DENND1A: variants seen among roughly 807,000 people sequenced by gnomAD.
DENND1A encodes the protein DENN domain containing 1A.
Under a neutral mutation model 113.7 loss-of-function variants are expected in DENND1A, and 51 were observed. The observed-to-expected ratio is 0.45, with a 90% CI of 0.36 to 0.57. The LOEUF (loss-of-function observed/expected upper bound fraction) is 0.57, where lower values mean the gene tolerates loss of function less well. DENND1A is among the 20% of genes least tolerant of loss of function. The pLI is 0.00. For synonymous variants in DENND1A, 565 were observed against 570.8 expected (o/e 0.99, Z 0.14); for missense variants, 1,258 against 1,395.9 (o/e 0.90, Z 1.57).
At chr9:123,679,212 G>C (rs1402497783) in intron 5 of DENND1A, among the ~76,000 whole-genome samples, 2 of 152,184 alleles carry the variant, frequency 1.3e-5, no homozygotes, top group African/African-American at 2.4e-5. Context: ...GGCAGGCTGG[G>C]TGCTCTGACA....
intron 1 of DENND1A, among the ~76,000 whole-genome samples, chr9:123,915,677 A>G (rs959496813): frequency 1.3e-5 from 2 of 152,174 alleles, no homozygotes; most frequent in Non-Finnish European, 2.9e-5. Context: ...ATTAACAGAG[A>G]GAGATTTATC....
At chr9:123,779,746 C>T (rs1016279245) in intron 3 of DENND1A, among the ~76,000 whole-genome samples, 1 of 152,110 alleles carries the variant, frequency 6.6e-6, no homozygotes, top group Non-Finnish European at 1.5e-5. Flanking sequence ...GCGATTCACC[C>T]ACTTCTGCTC....
At chr9:123,921,498 C>A (rs1420646202) in intron 1 of DENND1A, among the ~76,000 whole-genome samples, 2 of 152,210 alleles carry the variant, frequency 1.3e-5, no homozygotes, top group African/African-American at 4.8e-5. Context: ...TCCATTTATT[C>A]ATACAGCCTA....
intron 2 of DENND1A, among the ~76,000 whole-genome samples, chr9:123,834,559 GA>G (rs1380539267): frequency 3.3e-5 from 5 of 152,270 alleles, no homozygotes; most frequent in African/African-American, 1.2e-4. Flanking sequence ...ATGAAATGCA[GA>G]GAACACGTAT....
chr9:123,657,407 G>A (rs1049243953), intron 8 of DENND1A, among the ~76,000 whole-genome samples: 2 of 151,780 alleles, frequency 1.3e-5, no homozygotes, highest in Non-Finnish European at 2.9e-5. Flanking sequence ...GTGGCGATGG[G>A]GGGAGTTGGA....
chr9:123,897,301 G>A (rs1250705327), intron 1 of DENND1A, among the ~76,000 whole-genome samples: 1 of 152,196 alleles, frequency 6.6e-6, no homozygotes, highest in African/African-American at 2.4e-5. Flanking sequence ...ACTCAAGGCA[G>A]CCCAAATACT....
chr9:123,499,475 C>A (rs556727258), intron 13 of DENND1A, among the ~76,000 whole-genome samples: 2 of 152,350 alleles, frequency 1.3e-5, no homozygotes, highest in African/African-American at 4.8e-5. Flanking sequence ...ACTTTTCCCC[C>A]AGCCCTTGCT....
chr9:123,425,727 A>G (rs1237868830), intron 19 of DENND1A, among the ~76,000 whole-genome samples: 4 of 152,248 alleles, frequency 2.6e-5, no homozygotes, highest in Non-Finnish European at 4.4e-5. Flanking sequence ...ATGCATCCCC[A>G]GCAAGCCAGC....
At chr9:123,709,459 G>C (rs1295806795) in intron 5 of DENND1A, among the ~76,000 whole-genome samples, 1 of 152,030 alleles carries the variant, frequency 6.6e-6, no homozygotes. Context: ...TACTTGGCTT[G>C]GCACTGATTC....
intron 1 of DENND1A, chr9:123,928,448 T>C (rs1857469669): frequency 4.7e-6 from 3 of 636,078 alleles, no homozygotes; most frequent in South Asian, 1.4e-4. Context: ...CTTGAGTGCC[T>C]CTTTAATCCC....
intron 13 of DENND1A, among the ~76,000 whole-genome samples, chr9:123,520,896 C>A (rs753534794): frequency 6.6e-6 from 1 of 152,202 alleles, no homozygotes; most frequent in Non-Finnish European, 1.5e-5. Context: ...AAGAGAAAAA[C>A]CTTGCTGTTA....
chr9:123,401,955 A>G (rs1209101139), intron 21 of DENND1A: 1 of 1,613,968 alleles, frequency 6.2e-7, no homozygotes, highest in South Asian at 1.1e-5. Flanking sequence ...CTCAATATCA[A>G]CAGGCCTGTG....
chr9:123,441,102 C>G (rs1365736779), intron 18 of DENND1A, among the ~76,000 whole-genome samples: 1 of 152,032 alleles, frequency 6.6e-6, no homozygotes, highest in Non-Finnish European at 1.5e-5. Context: ...AATGAAATTA[C>G]TAGGACAACA....
At chr9:123,746,047 G>T (rs894939998) in intron 5 of DENND1A, among the ~76,000 whole-genome samples, 1 of 152,122 alleles carries the variant, frequency 6.6e-6, no homozygotes, top group Non-Finnish European at 1.5e-5. Context: ...TAATATCAGG[G>T]TGCTAGTAAT....
intron 19 of DENND1A, among the ~76,000 whole-genome samples, chr9:123,427,844 C>T (rs370681052): frequency 7.2e-5 from 11 of 152,310 alleles, no homozygotes; most frequent in East Asian, 3.9e-4. Flanking sequence ...GTCAGTCCAG[C>T]GAGTCAATGC....
chr9:123,653,181 A>G (rs1441719854), intron 8 of DENND1A, among the ~76,000 whole-genome samples: 7 of 152,256 alleles, frequency 4.6e-5, no homozygotes, highest in Admixed American at 3.9e-4. Flanking sequence ...GGCTGGGAGT[A>G]AAAATGGGCA....
At chr9:123,613,234 A>G (rs2060496988) in intron 10 of DENND1A, among the ~76,000 whole-genome samples, 1 of 152,164 alleles carries the variant, frequency 6.6e-6, no homozygotes, top group Non-Finnish European at 1.5e-5. Context: ...TATCAATGAA[A>G]CAATGGTTCA....
intron 19 of DENND1A, among the ~76,000 whole-genome samples, chr9:123,418,687 C>T (rs903296371): frequency 2.0e-5 from 3 of 152,320 alleles, no homozygotes; most frequent in African/African-American, 2.4e-5. Context: ...TTTCTGCTGC[C>T]GGTGCTTCCA....
chr9:123,683,672 T>C (rs2064617218), intron 5 of DENND1A, among the ~76,000 whole-genome samples: 1 of 152,240 alleles, frequency 6.6e-6, no homozygotes, highest in East Asian at 1.9e-4. Flanking sequence ...TACTAGACAT[T>C]AAAACTCCCC....
Sources: allele counts gnomAD v4.1 joint callset (sites outside exome capture counted in the v4.1 genomes callset), GRCh38; gene constraint gnomAD v4.1.1; transcripts MANE v1.5; gene names NCBI Gene and HGNC (gene_info 2026-07-23, HGNC 2026-07-21).